The following NRP2 variants were observed in gnomAD, a reference collection of about 807,000 sequenced individuals.
NRP2 encodes the protein neuropilin 2.
A neutral mutation model predicts 110.4 loss-of-function variants in NRP2; 52 were observed. That is an observed-to-expected ratio of 0.47 (90% confidence interval 0.38 to 0.59). The LOEUF (loss-of-function observed/expected upper bound fraction) is 0.59, where lower values mean the gene tolerates loss of function less well. NRP2 is among the 20% of genes least tolerant of loss of function. NRP2 has a pLI of 0.00. For synonymous variants in NRP2, 508 were observed against 468.9 expected (o/e 1.08, Z -1.08); for missense variants, 1,049 against 1,203.0 (o/e 0.87, Z 1.89).
chr2:205,711,986 T>C (rs2056807797), intron 2 of NRP2, among the ~76,000 whole-genome samples: 1 of 152,176 alleles, frequency 6.6e-6, no homozygotes, highest in Non-Finnish European at 1.5e-5. Flanking sequence ...AGAGATGAGA[T>C]TGTTGCTTTT....
rs75828647 is a variant in NRP2 at position 205,765,637 on chromosome 2, G to A, written c.2404+67G>A. 5.1e-4 allele frequency: 686 copies of A among 1,346,166 alleles called. 1 individual carries two copies. The African/African-American group carries it at 7.6e-3, about 15-fold the overall frequency. The allele number at this position is 1,346,166 out of a possible 1,614,324, so 83.4% of individuals were successfully genotyped here. ...CCCCAAGGGCTGGGATAAGCAAGAGGAGGCAGGACACCATTTTCCAATGCA... is the reference window on the plus strand; with the variant it reads ...CCCCAAGGGCTGGGATAAGCAAGAGAAGGCAGGACACCATTTTCCAATGCA... On this transcript the variant is annotated intron_variant, in intron 14 of 16. Coordinates refer to ENST00000357785, the MANE Select transcript of NRP2 (RefSeq NM_003872.3).
chr2:205,746,796 T>C (rs181633704), intron 10 of NRP2, among the ~76,000 whole-genome samples: 34 of 152,306 alleles, frequency 2.2e-4, no homozygotes, highest in Admixed American at 2.2e-3. Context: ...AATAAGGGCA[T>C]GTCGGAGAAG....
intron 8 of NRP2, among the ~76,000 whole-genome samples, chr2:205,742,402 G>A (rs1047597899): frequency 4.6e-5 from 7 of 152,202 alleles, no homozygotes; most frequent in African/African-American, 1.7e-4. Context: ...ACAAATGCAA[G>A]TACTGGATAA....
intron 2 of NRP2, 135 bp from the exon 3 acceptor site, chr2:205,716,058 A>G (rs1295349846): frequency 2.2e-6 from 2 of 921,578 alleles, no homozygotes; most frequent in African/African-American, 1.6e-5. Context: ...ACAAGCAGAC[A>G]TAAGTGCCCT....
At chr2:205,751,738 A>C (rs937028639) in intron 11 of NRP2, among the ~76,000 whole-genome samples, 11 of 152,088 alleles carry the variant, frequency 7.2e-5, no homozygotes, top group Non-Finnish European at 1.5e-5. Flanking sequence ...GGCTCCCTTT[A>C]GACTTCCTAA....
At chr2:205,749,935 C>A in intron 11 of NRP2, 94 bp downstream of exon 11, 1 of 950,696 alleles carries the variant, frequency 1.1e-6, no homozygotes, top group Non-Finnish European at 1.7e-6. Flanking sequence ...TCCCCCAGAT[C>A]AGAGATCCAG....
chr2:205,722,920 ATAGGAGAC>A (rs1480095746), intron 4 of NRP2, among the ~76,000 whole-genome samples: 2 of 152,208 alleles, frequency 1.3e-5, no homozygotes, highest in Non-Finnish European at 2.9e-5. Context: ...TTAGAAAAGG[ATAGGAGAC>A]TAAATAGATA....
rs867537219 is a variant in NRP2 at position 205,725,204 on chromosome 2, T to G, written c.821-709T>G. On this transcript the variant is annotated intron_variant, in intron 5 of 16. Transcript: ENST00000357785. The surrounding 1 kb of genome is among the most constrained non-coding windows in gnomAD (Gnocchi z 4.1). Reference sequence around the variant, plus strand: ...GTGAATGGTCAGTGCAGTCACAGAGTAAAGAATAGGTTGATACCTGATAAG... The same window carrying G: ...GTGAATGGTCAGTGCAGTCACAGAGGAAAGAATAGGTTGATACCTGATAAG... Among the ~76,000 whole-genome samples the G allele has an allele frequency of 3.3e-5, 5 of 151,936 alleles. No homozygotes were observed. Among genetic ancestry groups the G allele is most frequent in the African/African-American group, 1.2e-4 (5 of 41,420 alleles).
chr2:205,755,959 G>A (rs2057728463), intron 12 of NRP2, among the ~76,000 whole-genome samples: 1 of 152,118 alleles, frequency 6.6e-6, no homozygotes, highest in Non-Finnish European at 1.5e-5. Flanking sequence ...TGTGGAAACT[G>A]CTTACATTCC....
Position 205,723,068 on chromosome 2 carries a change from C to T in NRP2, c.664+360C>T, listed in dbSNP as rs188584277. 5.3e-5 allele frequency among the ~76,000 whole-genome samples: 8 copies of T among 152,310 alleles called. No individual in the cohort carries two copies. The East Asian group carries it at 7.7e-4, about 15-fold the overall frequency. On this transcript the variant is annotated intron_variant, in intron 4 of 16. Coordinates refer to ENST00000357785, the MANE Select transcript of NRP2 (RefSeq NM_003872.3). ...AGCCAGACTGGCCGGGCTTAACTCC[C>T]GGCTCTGCTACTCCCCAGCTGTGCA...
chr2:205,797,836 G>C lies in NRP2; in HGVS notation c.*2778G>C, dbSNP rs139651269. ...GACTAGGTGGTCAACAGGGCCACAG[G>C]GTTGCTTTCTGTCTTTGGTGGGGCA... On this transcript the variant is annotated 3_prime_UTR_variant, in exon 17 of 17. Coordinates refer to ENST00000357785, the MANE Select transcript of NRP2 (RefSeq NM_003872.3). 1.3e-5 allele frequency: 2 copies of C among 152,718 alleles called. No homozygotes were observed. Among genetic ancestry groups the C allele is most frequent in the Non-Finnish European group, 2.9e-5 (2 of 68,112 alleles). The allele number at this position is 152,718 out of a possible 1,614,324, so 9.5% of individuals were successfully genotyped here.
intron 2 of NRP2, among the ~76,000 whole-genome samples, chr2:205,708,247 C>A (rs567390404): frequency 6.6e-6 from 1 of 152,162 alleles, no homozygotes; most frequent in Non-Finnish European, 1.5e-5. Flanking sequence ...GCCCCCAAAG[C>A]CTTAAACTTC....
intron 13 of NRP2, among the ~76,000 whole-genome samples, chr2:205,764,180 T>C (rs970124479): frequency 1.3e-5 from 2 of 152,150 alleles, no homozygotes; most frequent in African/African-American, 4.8e-5. Flanking sequence ...ATGTTTCTCC[T>C]CTCCATTTTA....
intron 16 of NRP2, among the ~76,000 whole-genome samples, chr2:205,792,758 G>C (rs1466407906): frequency 6.6e-6 from 1 of 151,998 alleles, no homozygotes; most frequent in African/African-American, 2.4e-5. Context: ...GCAAGATTTC[G>C]GTTTCTTTTT....
chr2:205,776,106 G>A (rs933474184), intron 15 of NRP2: 18 of 855,682 alleles, frequency 2.1e-5, no homozygotes, highest in South Asian at 1.1e-4. Flanking sequence ...AGGTGCTAAG[G>A]ACTGAGTACC....
At position 205,722,711 on chromosome 2, in the gene NRP2, G is replaced by A. The variant is rs1200220607; in HGVS notation, c.664+3G>A. On this transcript the variant is annotated splice_donor_region_variant and intron_variant, in intron 4 of 16. Coordinates refer to ENST00000357785, the MANE Select transcript of NRP2 (RefSeq NM_003872.3). The stretch of plus-strand genomic sequence containing the variant: ...CATCTGGGATGGCATTCCACATGGT[G>A]AGTGATGTCATGAGGCATTCCTCAG... 2.5e-6 allele frequency: 4 copies of A among 1,611,756 alleles called. No individual in the cohort carries two copies. Among genetic ancestry groups the A allele is most frequent in the Admixed American group, 1.7e-5 (1 of 59,998 alleles).
chr2:205,764,742 A>T (rs775925136), intron 13 of NRP2, among the ~76,000 whole-genome samples: 1 of 152,170 alleles, frequency 6.6e-6, no homozygotes, highest in Non-Finnish European at 1.5e-5. Context: ...TACAGCCTGC[A>T]GTCCCTGTCC....
At chr2:205,708,538 A>T (rs996365765) in intron 2 of NRP2, among the ~76,000 whole-genome samples, 1 of 152,106 alleles carries the variant, frequency 6.6e-6, no homozygotes, top group Admixed American at 6.5e-5. Flanking sequence ...CTCCTTCCTC[A>T]CGTCAGGAGG....
intron 15 of NRP2, among the ~76,000 whole-genome samples, chr2:205,774,762 C>A (rs1217308543): frequency 6.6e-6 from 1 of 152,200 alleles, no homozygotes; most frequent in African/African-American, 2.4e-5. Context: ...GTTCAGGCTG[C>A]AGGAATTAGA....
Sources: gnomAD v4.1 joint callset for allele counts (sites outside exome capture counted in the v4.1 genomes callset) on GRCh38, gnomAD v4.1.1 for gene constraint, Gnocchi (gnomAD v3.1) non-coding constraint, MANE v1.5 for transcripts, NCBI Gene and HGNC (gene_info 2026-07-23, HGNC 2026-07-21) for gene names.